PCDHGA3: variants seen among roughly 807,000 people sequenced by gnomAD.
PCDHGA3 encodes the protein protocadherin gamma-A3.
A neutral mutation model predicts 58.5 loss-of-function variants in PCDHGA3; 40 were observed. That is an observed-to-expected ratio of 0.68 (90% CI 0.53 to 0.89). The LOEUF (loss-of-function observed/expected upper bound fraction) is 0.89, where lower values mean the gene tolerates loss of function less well. Ranked by LOEUF, PCDHGA3 falls within the 40% of genes least tolerant of loss-of-function variation. The pLI is 0.00. For synonymous variants in PCDHGA3, 530 were observed against 525.7 expected, an observed-to-expected ratio of 1.01 and a Z score of -0.11; for missense variants, 1,223 against 1,195.9, an observed-to-expected ratio of 1.02 and a Z score of -0.33.
In PCDHGA3 at chr5:141,408,093, G is replaced by C. The variant is rs533105778; in HGVS notation, c.2424+61636G>C. On this transcript the variant is annotated intron_variant, in intron 1 of 3. Transcript: ENST00000253812. ...CCTTTCCCAGCACAGCGGATTGCCA[G>C]CTCCGAGACCCGGGACTCCTCCTGT... The C allele has an allele frequency of 7.0e-6, 10 of 1,429,954 alleles. No homozygotes were observed. In the Admixed American group the frequency reaches 1.4e-4, roughly 20 times the overall value. 88.6% of individuals were successfully genotyped at this position (1,429,954 alleles called of 1,614,324 possible).
chr5:141,439,709 A>G (rs2098127560), intron 1 of PCDHGA3: 1 of 152,540 alleles, frequency 6.6e-6, no homozygotes, highest in African/African-American at 2.4e-5. Context: ...TATGGCTCCT[A>G]GTTCTACAAA....
chr5:141,501,970 T>C (rs2099812082), intron 2 of PCDHGA3, among the ~76,000 whole-genome samples: 1 of 152,068 alleles, frequency 6.6e-6, no homozygotes. Flanking sequence ...TCCTAACCTC[T>C]GGCATCTGGT....
Position 141,361,628 on chromosome 5 carries a change from C to A in PCDHGA3, c.2424+15171C>A, listed in dbSNP as rs751712279. On this transcript the variant is annotated intron_variant, in intron 1 of 3. Coordinates refer to ENST00000253812, the MANE Select transcript of PCDHGA3 (RefSeq NM_018916.4). Reference sequence around the variant, plus strand: ...TCCATCGTAGCGAGCGACCTGAAGCCGCGGGAGATTTTATCCTACGTGTCC... The same window carrying A: ...TCCATCGTAGCGAGCGACCTGAAGCAGCGGGAGATTTTATCCTACGTGTCC... 3.1e-6 allele frequency: 5 copies of A among 1,613,906 alleles called. No individual in the cohort carries two copies. In the South Asian group the frequency reaches 4.4e-5, roughly 14 times the overall value.
At chr5:141,446,894 A>C (rs1413761456) in intron 1 of PCDHGA3, among the ~76,000 whole-genome samples, 3 of 152,118 alleles carry the variant, frequency 2.0e-5, no homozygotes, top group Non-Finnish European at 2.9e-5. Flanking sequence ...TTCATGGCTG[A>C]GCTACTTTTG....
chr5:141,399,643 C>G lies in PCDHGA3; in HGVS notation c.2424+53186C>G, dbSNP rs776980167. On this transcript the variant is annotated intron_variant, in intron 1 of 3. Transcript: ENST00000253812. The stretch of plus-strand genomic sequence containing the variant: ...GGCCTCTTACGTGTCCATGAGCGCG[C>G]AAAGTGGGGTGGTGTTCGCGCAGCG... 133 of 1,613,714 alleles carry G rather than the reference C, an allele frequency of 8.2e-5. No individual in the cohort carries two copies. Among genetic ancestry groups the G allele is most frequent in the Non-Finnish European group, 1.1e-4 (126 of 1,179,890 alleles).
chr5:141,429,760 C>T (rs1036499079), intron 1 of PCDHGA3, among the ~76,000 whole-genome samples: 2 of 152,020 alleles, frequency 1.3e-5, no homozygotes, highest in Non-Finnish European at 2.9e-5. Context: ...AATTTTTTCC[C>T]TATATTTTGA....
rs76939403 is a variant in PCDHGA3 at position 141,344,151 on chromosome 5, G to A, written c.118G>A (p.Asp40Asn). The A allele has an allele frequency of 6.2e-7, 1 of 1,614,062 alleles. No individual in the cohort carries two copies. The highest frequency in any genetic ancestry group is 8.5e-7 in the Non-Finnish European group (1 of 1,179,910). ...CCGCTACTCGGTGTCTGAGGAGCTA[G>A]ATAAAGGTTCCTTCGTGGGCAACAT... is the stretch of plus-strand genomic sequence containing the variant. ...QIRYSVSEEL[D>N]KGSFVGNIAN... The change falls in exon 1 of 4, where the codon GAT (aspartate) becomes AAT (asparagine). Residue 40 changes from aspartate (D) to asparagine (N), a missense_variant. By Grantham distance (23) the Asp-to-Asn change is conservative (BLOSUM62 1). Around this residue, in one of 3 missense-constraint regions of PCDHGA3, gnomAD observed 791 missense variants for 708.5 expected, o/e 1.12. Transcript: ENST00000253812.
chr5:141,345,517 C>T lies in PCDHGA3; in HGVS notation c.1484C>T (p.Thr495Ile), dbSNP rs1386983358. 6.2e-7 allele frequency: 1 copy of T among 1,614,160 alleles called. No individual in the cohort carries two copies. Among genetic ancestry groups the T allele is most frequent in the Non-Finnish European group, 8.5e-7 (1 of 1,179,992 alleles). Residue 495 changes from threonine (T) to isoleucine (I), a missense_variant, in exon 1 of 4, where the codon ACT (threonine) becomes ATT (isoleucine). By Grantham distance (89) the Thr-to-Ile change is moderately conservative (BLOSUM62 -1). This residue lies in a region of PCDHGA3 where 791 missense variants were observed against 708.5 expected (regional missense o/e 1.12). Transcript: ENST00000253812. ...ATCACTTATGCATTGACCGAGGACA[C>T]TCTCCAGGGGGCGCCCCTGTCCTCC... ...ARITYALTEDTLQGAPLSSFV... is the reference protein window; with the variant it reads ...ARITYALTEDILQGAPLSSFV...
At position 141,361,919 on chromosome 5, in the gene PCDHGA3, A is replaced by T. The variant is rs947072299; in HGVS notation, c.2424+15462A>T. The T allele has an allele frequency of 6.0e-5, 97 of 1,607,890 alleles. No individual in the cohort carries two copies. Among genetic ancestry groups the T allele is most frequent in the Non-Finnish European group, 7.7e-5 (91 of 1,179,054 alleles). On this transcript the variant is annotated intron_variant, in intron 1 of 3. Transcript: ENST00000253812. ...CTGGTGACCAAGGTGGTGGCGGTGGACGCAGACTCAGGACACAACGCTTGG... is the reference window on the plus strand; with the variant it reads ...CTGGTGACCAAGGTGGTGGCGGTGGTCGCAGACTCAGGACACAACGCTTGG...
chr5:141,502,446 C>T (rs541278139), intron 2 of PCDHGA3, among the ~76,000 whole-genome samples: 1 of 152,098 alleles, frequency 6.6e-6, no homozygotes, highest in South Asian at 2.1e-4. Context: ...ATTCAGATTA[C>T]ACACCTTGGT....
rs2099405848 is a variant in PCDHGA3 at position 141,477,120 on chromosome 5, A to G, written c.2425-17687A>G. 2 of 1,614,118 alleles carry G rather than the reference A, an allele frequency of 1.2e-6. No homozygotes were observed. Among genetic ancestry groups the G allele is most frequent in the African/African-American group, 2.7e-5 (2 of 74,942 alleles). On this transcript the variant is annotated intron_variant, in intron 1 of 3. Transcript: ENST00000253812. This position sits in a 1 kb window ranked among gnomAD's most constrained non-coding sequence, Gnocchi z 4.9. ...AAGGGCGCCAATCCCGAAGGAGCAC[A>G]TTGCAAAGTGTTGGTGGAGGTTGTG...
In PCDHGA3 at chr5:141,346,261, C is replaced by T. The variant is rs7736541; in HGVS notation, c.2228C>T (p.Ala743Val). The T allele has an allele frequency of 0.46, 746,033 of 1,613,822 alleles. 179,365 individuals carry two copies. The highest frequency in any genetic ancestry group is 0.8 in the African/African-American group (60,049 of 74,970). Residue 743 changes from alanine to valine, a missense_variant, in exon 1 of 4, where the codon GCG becomes GTG. By Grantham distance (64) the Ala-to-Val change is moderately conservative. Transcript: ENST00000253812. ...ACGCCCGGCTCGCACTTTGTGGGCG[C>T]GGACGGGGTTCGGGCTTTCCTGCAG... ...ASTPGSHFVGADGVRAFLQTY... is the reference protein window; with the variant it reads ...ASTPGSHFVGVDGVRAFLQTY...
intron 1 of PCDHGA3, chr5:141,404,202 AAT>A: frequency 6.2e-7 from 1 of 1,613,738 alleles, no homozygotes; most frequent in Non-Finnish European, 8.5e-7. Context: ...AAAGCCTCAG[AAT>A]ATAATATCAC....
intron 1 of PCDHGA3, chr5:141,378,136 CATT>C (rs1561579952): frequency 6.6e-6 from 1 of 152,158 alleles, no homozygotes; most frequent in Non-Finnish European, 1.5e-5. Context: ...TTGACATCAC[CATT>C]ATTATAATTA....
intron 1 of PCDHGA3, chr5:141,383,159 C>G (rs769758778): frequency 2.6e-5 from 42 of 1,613,986 alleles, no homozygotes; most frequent in Non-Finnish European, 3.5e-5. Flanking sequence ...TTGGTCACTG[C>G]GGGCAGGATA....
intron 1 of PCDHGA3, among the ~76,000 whole-genome samples, chr5:141,426,099 G>A (rs1590666889): frequency 1.3e-5 from 2 of 152,348 alleles, no homozygotes; most frequent in African/African-American, 4.8e-5. Context: ...ATTCTGTTCA[G>A]TCACAGAAGC....
At chr5:141,427,838 C>T (rs978867590) in intron 1 of PCDHGA3, 4 of 1,546,186 alleles carry the variant, frequency 2.6e-6, no homozygotes, top group Non-Finnish European at 1.8e-6. Flanking sequence ...AGCGTGCCTT[C>T]GACCACGAGC....
chr5:141,370,949 C>A (rs1317760178), intron 1 of PCDHGA3: 2 of 1,613,980 alleles, frequency 1.2e-6, no homozygotes, highest in East Asian at 2.2e-5. Context: ...AGAAGGAGAA[C>A]CTGGATGGCA....
chr5:141,399,112 G>A, intron 1 of PCDHGA3: 1 of 1,613,794 alleles, frequency 6.2e-7, no homozygotes, highest in African/African-American at 1.3e-5. Context: ...ACAATGTACA[G>A]TTGAAATTAA....
Sources: allele counts gnomAD v4.1 joint callset (sites outside exome capture counted in the v4.1 genomes callset), GRCh38; gene constraint gnomAD v4.1.1; regional missense constraint gnomAD v4.1.1; non-coding constraint Gnocchi (gnomAD v3.1); transcripts MANE v1.5; gene names NCBI Gene and HGNC (gene_info 2026-07-23, HGNC 2026-07-21).